Variants in KCNJ6 observed in about 807,000 individuals in gnomAD.
The protein encoded by KCNJ6 is potassium inwardly rectifying channel subfamily J member 6.
In KCNJ6, 9 loss-of-function variants were observed where a neutral mutation model predicts 34.2. The ratio of observed to expected loss-of-function variants is 0.26; its 90% CI spans 0.16 to 0.46. The LOEUF (loss-of-function observed/expected upper bound fraction) is 0.46, where lower values mean the gene tolerates loss of function less well. Among genes scored for constraint, KCNJ6 ranks in the 20% least tolerant of loss-of-function variants. The pLI is 1.00. For missense variants in KCNJ6, 236 were observed against 531.3 expected (o/e 0.44, Z 5.46); for synonymous variants, 196 against 207.1 (o/e 0.95, Z 0.46).
chr21:37,741,795 CA>C (rs1456229665), intron 2 of KCNJ6, among the ~76,000 whole-genome samples: 2 of 152,244 alleles, frequency 1.3e-5, no homozygotes, highest in African/African-American at 2.4e-5. Flanking sequence ...ACCCCACTGC[CA>C]ACAGATGCCA....
chr21:37,700,752 G>A (rs539746876), intron 3 of KCNJ6, among the ~76,000 whole-genome samples: 35 of 152,224 alleles, frequency 2.3e-4, no homozygotes, highest in African/African-American at 8.4e-4. Flanking sequence ...TGGTTGTGCA[G>A]GATGTACACT....
chr21:37,642,725 T>A (rs1351562386), intron 3 of KCNJ6, among the ~76,000 whole-genome samples: 2 of 152,088 alleles, frequency 1.3e-5, no homozygotes, highest in African/African-American at 2.4e-5. Flanking sequence ...TGTGGCTCCA[T>A]CTACAGGTAG....
Position 37,761,736 on chromosome 21 carries a change from C to A in KCNJ6, c.26-46605G>T, listed in dbSNP as rs1568839066. 2.1e-5 allele frequency among the ~76,000 whole-genome samples: 3 copies of A among 144,022 alleles called. No homozygotes were observed. In the Middle Eastern group the frequency reaches 0.012, roughly 585 times the overall value. 94.5% of individuals were successfully genotyped at this position (144,022 alleles called of 152,430 possible). On this transcript the variant is annotated intron_variant, in intron 2 of 3. Coordinates refer to ENST00000609713, the MANE Select transcript of KCNJ6 (RefSeq NM_002240.5). ...GTATATTTGTGTGTGTGGTGTGTGT[C>A]GTGTGTGTGGTATGTGTGTATGTGT...
intron 3 of KCNJ6, among the ~76,000 whole-genome samples, chr21:37,671,364 G>C (rs1024298581): frequency 6.6e-6 from 1 of 152,214 alleles, no homozygotes; most frequent in East Asian, 1.9e-4. Context: ...GGATGTTCCT[G>C]GAAGGGGTTA....
At chr21:37,728,316 T>A (rs1488854204) in intron 2 of KCNJ6, among the ~76,000 whole-genome samples, 1 of 151,692 alleles carries the variant, frequency 6.6e-6, no homozygotes, top group African/African-American at 2.4e-5. Context: ...GATTGGGGAG[T>A]TAATGTGTAA....
intron 2 of KCNJ6, among the ~76,000 whole-genome samples, chr21:37,812,675 T>C (rs932849828): frequency 7.2e-5 from 11 of 152,194 alleles, no homozygotes; most frequent in African/African-American, 2.7e-4. Context: ...CATATAATCA[T>C]GTCAATTGAG....
chr21:37,674,104 G>T (rs2054553799), intron 3 of KCNJ6, among the ~76,000 whole-genome samples: 1 of 152,158 alleles, frequency 6.6e-6, no homozygotes, highest in Admixed American at 6.5e-5. Flanking sequence ...CCTGAAATAT[G>T]CCCCAGATAT....
At chr21:37,835,812 C>G (rs983424181) in intron 2 of KCNJ6, among the ~76,000 whole-genome samples, 1 of 145,108 alleles carries the variant, frequency 6.9e-6, no homozygotes, top group Admixed American at 6.7e-5. Context: ...GTCACCCTAA[C>G]CCTAACCCTA....
chr21:37,681,101 G>GA (rs1376360922), intron 3 of KCNJ6, among the ~76,000 whole-genome samples: 4 of 152,146 alleles, frequency 2.6e-5, no homozygotes, highest in Admixed American at 2.6e-4. Context: ...CTCTAGAACT[G>GA]AATGGAAGAT....
intron 1 of KCNJ6, among the ~76,000 whole-genome samples, chr21:37,885,886 G>C (rs569152301): frequency 5.1e-4 from 77 of 152,340 alleles, no homozygotes; most frequent in African/African-American, 1.8e-3. Context: ...TGCAGCAGTA[G>C]ATGACTACTG....
At chr21:37,851,607 C>A (rs975261556) in intron 1 of KCNJ6, among the ~76,000 whole-genome samples, 1 of 152,108 alleles carries the variant, frequency 6.6e-6, no homozygotes, top group African/African-American at 2.4e-5. Context: ...ATAATTGATT[C>A]TCAGCAACAG....
At chr21:37,668,234 C>G (rs1200766614) in intron 3 of KCNJ6, among the ~76,000 whole-genome samples, 2 of 152,164 alleles carry the variant, frequency 1.3e-5, no homozygotes, top group African/African-American at 4.8e-5. Context: ...CCCATAGAGG[C>G]CTTCAGACCC....
At chr21:37,758,723 G>A (rs1478884752) in intron 2 of KCNJ6, among the ~76,000 whole-genome samples, 1 of 152,054 alleles carries the variant, frequency 6.6e-6, no homozygotes, top group African/African-American at 2.4e-5. Flanking sequence ...CTGCAACCTT[G>A]ACCCTCTTGG....
At chr21:37,725,675 T>G (rs1353376022) in intron 2 of KCNJ6, among the ~76,000 whole-genome samples, 1 of 152,210 alleles carries the variant, frequency 6.6e-6, no homozygotes, top group Non-Finnish European at 1.5e-5. Context: ...TTCTAAGGAA[T>G]TAACATAACA....
intron 1 of KCNJ6, among the ~76,000 whole-genome samples, chr21:37,856,093 C>T (rs754566957): frequency 3.9e-5 from 6 of 152,182 alleles, no homozygotes; most frequent in Non-Finnish European, 5.9e-5. Context: ...TTTTCCATCA[C>T]TCAGAAAGCC....
At position 37,840,758 on chromosome 21, in the gene KCNJ6, T is replaced by C; in HGVS notation, c.-27-49A>G. ...TTATCTGTAAAACATGTCTTAGATA[T>C]GAATTGATCTAATTGCCATTTACAG... is the stretch of plus-strand genomic sequence containing the variant. On this transcript the variant is annotated intron_variant, in intron 1 of 3. Transcript: ENST00000609713. 3.0e-6 allele frequency: 3 copies of C among 1,016,110 alleles called. No homozygotes were observed. The East Asian group carries it at 7.4e-5, about 25-fold the overall frequency. The allele number at this position is 1,016,110 out of a possible 1,614,324, so 62.9% of individuals were successfully genotyped here.
At chr21:37,654,900 TC>T (rs151165652) in intron 3 of KCNJ6, among the ~76,000 whole-genome samples, 5,517 of 152,204 alleles carry the variant, frequency 0.036, 259 homozygotes, top group African/African-American at 0.11. Context: ...GGCATGGACA[TC>T]CCCAAGGCCA....
intron 1 of KCNJ6, among the ~76,000 whole-genome samples, chr21:37,888,785 CACTCCTAGT>C (rs1360776220): frequency 6.6e-6 from 1 of 152,204 alleles, no homozygotes; most frequent in Non-Finnish European, 1.5e-5. Flanking sequence ...TAGTGAGCCC[CACTCCTAGT>C]ACTGAAAGTT....
chr21:37,692,218 A>G (rs531796772), intron 3 of KCNJ6, among the ~76,000 whole-genome samples: 2 of 152,230 alleles, frequency 1.3e-5, no homozygotes, highest in African/African-American at 4.8e-5. Context: ...AAAAACAAAA[A>G]CCAAAAAATC....
Sources: allele counts gnomAD v4.1 joint callset (sites outside exome capture counted in the v4.1 genomes callset), GRCh38; gene constraint gnomAD v4.1.1; transcripts MANE v1.5; gene names NCBI Gene and HGNC (gene_info 2026-07-23, HGNC 2026-07-21).